The following EXOC6B variants were observed in gnomAD, a reference collection of about 807,000 sequenced individuals.
EXOC6B encodes the protein SEC15 homolog B.
EXOC6B carries 54 observed loss-of-function variants against 113.5 expected under a neutral mutation model. That is an observed-to-expected ratio of 0.48 (90% confidence interval 0.38 to 0.60). The LOEUF (loss-of-function observed/expected upper bound fraction) is 0.60, where lower values mean the gene tolerates loss of function less well. Among genes scored for constraint, EXOC6B ranks in the 20% least tolerant of loss-of-function variants. The pLI, the probability that EXOC6B is intolerant of heterozygous loss-of-function variation, is 0.00. For missense variants in EXOC6B, 797 were observed against 977.5 expected (o/e 0.82, Z 2.46); for synonymous variants, 357 against 339.0 (o/e 1.05, Z -0.58).
At chr2:72,529,453 TA>T (rs1701890077) in intron 8 of EXOC6B, among the ~76,000 whole-genome samples, 1 of 152,230 alleles carries the variant, frequency 6.6e-6, no homozygotes, top group Non-Finnish European at 1.5e-5. Flanking sequence ...TACCTGGCTT[TA>T]CCTTAAGGGT....
At chr2:72,377,573 C>A (rs1016005782) in intron 19 of EXOC6B, among the ~76,000 whole-genome samples, 1 of 152,032 alleles carries the variant, frequency 6.6e-6, no homozygotes, top group Non-Finnish European at 1.5e-5. Flanking sequence ...CATGGATGAA[C>A]CTGGAGGACC....
At chr2:72,806,520 C>A (rs1272857067) in intron 1 of EXOC6B, among the ~76,000 whole-genome samples, 1 of 152,050 alleles carries the variant, frequency 6.6e-6, no homozygotes, top group African/African-American at 2.4e-5. Flanking sequence ...TTTGGAAGAA[C>A]GATTTATTTT....
At chr2:72,676,139 A>G (rs556446264) in intron 6 of EXOC6B, among the ~76,000 whole-genome samples, 225 of 151,922 alleles carry the variant, frequency 1.5e-3, no homozygotes, top group Non-Finnish European at 1.9e-3. Context: ...AAAAAAAAAA[A>G]AAGAAGAAGA....
intron 18 of EXOC6B, among the ~76,000 whole-genome samples, chr2:72,406,872 TC>T: frequency 6.6e-6 from 1 of 151,664 alleles, no homozygotes; most frequent in African/African-American, 2.4e-5. Context: ...ACTGAAGGAA[TC>T]AGAGACACAA....
chr2:72,212,408 T>C (rs1160688755), intron 20 of EXOC6B, among the ~76,000 whole-genome samples: 4 of 152,244 alleles, frequency 2.6e-5, no homozygotes, highest in South Asian at 2.1e-4. Flanking sequence ...AGAATAGCCC[T>C]AGAAAATAAT....
intron 20 of EXOC6B, among the ~76,000 whole-genome samples, chr2:72,324,061 T>TA (rs201372691): frequency 2.1e-4 from 32 of 150,386 alleles, no homozygotes; most frequent in African/African-American, 6.6e-4. Flanking sequence ...AATAAGCATA[T>TA]AAAAAAAAAG....
At chr2:72,715,462 T>C (rs541206383) in intron 6 of EXOC6B, among the ~76,000 whole-genome samples, 153 of 147,862 alleles carry the variant, frequency 1.0e-3, no homozygotes, top group African/African-American at 3.7e-3. Flanking sequence ...AATATGTACA[T>C]AAATATATAT....
intron 11 of EXOC6B, among the ~76,000 whole-genome samples, chr2:72,500,882 T>G (rs1162310382): frequency 2.0e-5 from 3 of 152,192 alleles, no homozygotes; most frequent in Non-Finnish European, 4.4e-5. Context: ...TGTCCGTTTC[T>G]CTTCATATTA....
intron 8 of EXOC6B, among the ~76,000 whole-genome samples, chr2:72,517,712 T>A (rs1365704723): frequency 6.6e-6 from 1 of 152,194 alleles, no homozygotes; most frequent in Non-Finnish European, 1.5e-5. Flanking sequence ...TGACATTACA[T>A]ATTCAATATG....
intron 20 of EXOC6B, among the ~76,000 whole-genome samples, chr2:72,296,945 T>C (rs1413808167): frequency 6.6e-6 from 1 of 152,186 alleles, no homozygotes; most frequent in African/African-American, 2.4e-5. Context: ...AAATGAGATT[T>C]TCCACCTTTA....
intron 20 of EXOC6B, among the ~76,000 whole-genome samples, chr2:72,307,339 G>T (rs1686941944): frequency 6.6e-6 from 1 of 151,816 alleles, no homozygotes; most frequent in South Asian, 2.1e-4. Flanking sequence ...ATGGAGACAG[G>T]TTTTCACCAT....
chr2:72,195,995 T>C (rs1199435381), intron 20 of EXOC6B, among the ~76,000 whole-genome samples: 39 of 152,156 alleles, frequency 2.6e-4, no homozygotes, highest in Non-Finnish European at 1.5e-5. Flanking sequence ...GGGAAGAAAG[T>C]TATATGTGGG....
rs1005577778 is a variant in EXOC6B at position 72,825,783 on chromosome 2, C to G, written c.113+15G>C. On this transcript the variant is annotated intron_variant, in intron 1 of 21. Transcript: ENST00000272427. This position sits in a 1 kb window ranked among gnomAD's most constrained non-coding sequence, Gnocchi z 4.4. ...GCCCGTTCCCGCCCCTCTGTGGTCC[C>G]GGCACCCGGGGTACCTGAGCGTGGG... 7 of 1,610,128 alleles carry G rather than the reference C, an allele frequency of 4.3e-6. No individual in the cohort carries two copies. The highest frequency in any genetic ancestry group is 2.7e-5 in the African/African-American group (2 of 74,904).
chr2:72,386,197 G>A (rs113754225), intron 18 of EXOC6B, among the ~76,000 whole-genome samples: 2,134 of 151,644 alleles, frequency 0.014, 66 homozygotes, highest in African/African-American at 0.049. Context: ...TACCACATAT[G>A]CTCATAGGCA....
At chr2:72,648,759 TG>T (rs1364353292) in intron 6 of EXOC6B, among the ~76,000 whole-genome samples, 1 of 152,192 alleles carries the variant, frequency 6.6e-6, no homozygotes, top group East Asian at 1.9e-4. Flanking sequence ...ACAACATGGA[TG>T]GAACCGGAAG....
At chr2:72,468,529 T>C (rs1698201904) in intron 17 of EXOC6B, among the ~76,000 whole-genome samples, 2 of 152,210 alleles carry the variant, frequency 1.3e-5, no homozygotes, top group South Asian at 4.1e-4. Context: ...AGAATCACGC[T>C]ATCTTGATTA....
intron 20 of EXOC6B, among the ~76,000 whole-genome samples, chr2:72,204,930 G>A (rs1679741015): frequency 6.6e-6 from 1 of 152,156 alleles, no homozygotes; most frequent in Non-Finnish European, 1.5e-5. Flanking sequence ...CCATGTGAGA[G>A]AAATTAAAGC....
intron 20 of EXOC6B, among the ~76,000 whole-genome samples, chr2:72,245,997 C>A (rs1035266067): frequency 5.3e-5 from 8 of 152,080 alleles, no homozygotes; most frequent in Admixed American, 2.6e-4. Context: ...AAATGTGATT[C>A]TTTTAGTTCC....
intron 1 of EXOC6B, among the ~76,000 whole-genome samples, chr2:72,800,142 G>A (rs969574605): frequency 1.3e-5 from 2 of 151,866 alleles, no homozygotes; most frequent in East Asian, 1.9e-4. Context: ...TGAAATAATC[G>A]ATTTTAAAAA....
Sources: allele counts gnomAD v4.1 joint callset (sites outside exome capture counted in the v4.1 genomes callset), GRCh38; gene constraint gnomAD v4.1.1; non-coding constraint Gnocchi (gnomAD v3.1); transcripts MANE v1.5; gene names NCBI Gene and HGNC (gene_info 2026-07-23, HGNC 2026-07-21).